The following SLC25A21 variants were observed in gnomAD, a reference collection of about 807,000 sequenced individuals.
The protein encoded by SLC25A21 is solute carrier family 25 member 21, also known as mitochondrial 2-oxodicarboxylate carrier.
A neutral mutation model predicts 43.8 loss-of-function variants in SLC25A21; 47 were observed. The ratio of observed to expected loss-of-function variants is 1.07; its 90% CI spans 0.85 to 1.37. The LOEUF is 1.37. SLC25A21 is among the 40% of genes most tolerant of loss of function. The pLI, the probability that SLC25A21 is intolerant of heterozygous loss-of-function variation, is 0.00. For missense variants in SLC25A21, 352 were observed against 350.2 expected, an observed-to-expected ratio of 1.00 and a Z score of -0.04; for synonymous variants, 131 against 121.3, an observed-to-expected ratio of 1.08 and a Z score of -0.52.
chr14:37,064,787 A>C (rs1962026505), intron 1 of SLC25A21, among the ~76,000 whole-genome samples: 1 of 152,190 alleles, frequency 6.6e-6, no homozygotes, highest in African/African-American at 2.4e-5. Context: ...TCTTGTCCAA[A>C]AATAATTATT....
chr14:37,114,012 T>C (rs908828735), intron 1 of SLC25A21, among the ~76,000 whole-genome samples: 3 of 152,184 alleles, frequency 2.0e-5, no homozygotes, highest in African/African-American at 7.2e-5. Context: ...AATTAAGCAT[T>C]AAAAGTAGTA....
chr14:37,139,028 G>A (rs1487656305), intron 1 of SLC25A21, among the ~76,000 whole-genome samples: 3 of 152,006 alleles, frequency 2.0e-5, no homozygotes, highest in Non-Finnish European at 4.4e-5. Context: ...GTACTACGTG[G>A]AATTCCATAA....
intron 1 of SLC25A21, among the ~76,000 whole-genome samples, chr14:36,960,453 A>G (rs1959461314): frequency 6.6e-6 from 1 of 152,166 alleles, no homozygotes; most frequent in South Asian, 2.1e-4. Flanking sequence ...ATAGATGCCT[A>G]TGTTTTTCAA....
intron 1 of SLC25A21, among the ~76,000 whole-genome samples, chr14:36,951,595 T>A (rs1892812763): frequency 7.5e-6 from 1 of 133,432 alleles, no homozygotes; most frequent in Admixed American, 7.8e-5. Flanking sequence ...AGGTATGCAT[T>A]TTTTTTTTGC....
chr14:37,099,616 G>A lies in SLC25A21; in HGVS notation c.70+72665C>T, dbSNP rs199931598. On this transcript the variant is annotated intron_variant, in intron 1 of 9. Transcript: ENST00000331299. ...CCCGCCACCGACTCCCCCTCACCCA[G>A]GTAAGAAAGTGTTTGTTCTAATACA... 3.3e-5 allele frequency among the ~76,000 whole-genome samples: 5 copies of A among 151,968 alleles called. No homozygotes were observed. The East Asian group carries it at 9.7e-4, about 29-fold the overall frequency.
intron 1 of SLC25A21, among the ~76,000 whole-genome samples, chr14:36,883,288 G>T (rs1890802218): frequency 6.6e-6 from 1 of 152,194 alleles, no homozygotes; most frequent in Admixed American, 6.5e-5. Context: ...ACCTTGCCAG[G>T]CCTTCAGTAA....
chr14:36,973,019 A>ATTTAT (rs36001814), intron 1 of SLC25A21, among the ~76,000 whole-genome samples: 2,740 of 128,968 alleles, frequency 0.021, 31 homozygotes, highest in Middle Eastern at 0.065. Flanking sequence ...TTATTTATTT[A>ATTTAT]TTTATTTTAT....
chr14:36,913,142 T>C (rs1392753804), intron 1 of SLC25A21, among the ~76,000 whole-genome samples: 1 of 152,192 alleles, frequency 6.6e-6, no homozygotes, highest in African/African-American at 2.4e-5. Context: ...CAGTATGGGT[T>C]TAAGATTCAG....
intron 1 of SLC25A21, among the ~76,000 whole-genome samples, chr14:37,024,619 A>G (rs1023017229): frequency 1.3e-5 from 2 of 152,016 alleles, no homozygotes; most frequent in African/African-American, 4.8e-5. Flanking sequence ...TGATTATTAG[A>G]GGCAGAAGAT....
At chr14:36,701,461 A>G (rs993999881) in intron 7 of SLC25A21, among the ~76,000 whole-genome samples, 1 of 152,194 alleles carries the variant, frequency 6.6e-6, no homozygotes, top group Non-Finnish European at 1.5e-5. Flanking sequence ...CTGCATCTAA[A>G]TGTAGCCATT....
At chr14:37,120,046 C>A (rs1963179483) in intron 1 of SLC25A21, among the ~76,000 whole-genome samples, 1 of 152,070 alleles carries the variant, frequency 6.6e-6, no homozygotes, top group African/African-American at 2.4e-5. Context: ...TTACATAAAT[C>A]ATAAGAATTA....
chr14:36,706,149 C>T (rs1883553073), intron 7 of SLC25A21, among the ~76,000 whole-genome samples: 1 of 152,156 alleles, frequency 6.6e-6, no homozygotes. Flanking sequence ...TTTAAGTACA[C>T]AAGGAATAGT....
At chr14:36,952,644 C>T (rs779602217) in intron 1 of SLC25A21, among the ~76,000 whole-genome samples, 3 of 152,116 alleles carry the variant, frequency 2.0e-5, no homozygotes, top group Non-Finnish European at 4.4e-5. Context: ...CACCATTTTC[C>T]AGATCCTTGG....
intron 1 of SLC25A21, among the ~76,000 whole-genome samples, chr14:37,063,101 T>A (rs1224016093): frequency 7.9e-5 from 12 of 152,106 alleles, no homozygotes; most frequent in Admixed American, 7.9e-4. Context: ...TCATGAGAAC[T>A]AACTCACTAT....
At chr14:36,888,740 C>T (rs765676604) in intron 1 of SLC25A21, among the ~76,000 whole-genome samples, 8 of 152,148 alleles carry the variant, frequency 5.3e-5, no homozygotes, top group Non-Finnish European at 8.8e-5. Context: ...AGCAAATACA[C>T]ATCATCTTAC....
chr14:36,789,040 T>C (rs2138394482), intron 3 of SLC25A21, among the ~76,000 whole-genome samples: 1 of 152,362 alleles, frequency 6.6e-6, no homozygotes, highest in East Asian at 1.9e-4. Flanking sequence ...AATGTCTCCT[T>C]GTTGTTTTTG....
intron 1 of SLC25A21, among the ~76,000 whole-genome samples, chr14:36,972,438 T>C (rs1959773093): frequency 6.6e-6 from 1 of 152,212 alleles, no homozygotes; most frequent in Non-Finnish European, 1.5e-5. Context: ...GTCATCCCTT[T>C]CATAGATCTT....
chr14:37,104,379 G>A (rs564645022), intron 1 of SLC25A21, among the ~76,000 whole-genome samples: 1 of 152,110 alleles, frequency 6.6e-6, no homozygotes, highest in Non-Finnish European at 1.5e-5. Context: ...AGAAATATTT[G>A]TGGTTTACAA....
chr14:37,172,598 G>A lies in SLC25A21; in HGVS notation c.-248C>T, dbSNP rs1241400367. The A allele has an allele frequency of 5.8e-6, 4 of 687,938 alleles. No homozygotes were observed. The highest frequency in any genetic ancestry group is 1.1e-5 in the Non-Finnish European group (4 of 375,598). 42.6% of individuals were successfully genotyped at this position (687,938 alleles called of 1,614,324 possible). On this transcript the variant is annotated 5_prime_UTR_variant, in exon 1 of 10. Coordinates refer to ENST00000331299, the MANE Select transcript of SLC25A21 (RefSeq NM_030631.4). ...CGCCCTCGGCTCCGAAAATGTCTCT[G>A]GAAAGAAGACCCGCGGATGGGTTTG...
Sources: gnomAD v4.1 joint callset for allele counts (sites outside exome capture counted in the v4.1 genomes callset) on GRCh38, gnomAD v4.1.1 for gene constraint, MANE v1.5 for transcripts, NCBI Gene and HGNC (gene_info 2026-07-23, HGNC 2026-07-21) for gene names.